The following DDO variants were observed in gnomAD, a reference collection of about 807,000 sequenced individuals.
The protein encoded by DDO is D-aspartate oxidase.
A neutral mutation model predicts 16.8 loss-of-function variants in DDO; 16 were observed. That is an observed-to-expected ratio of 0.95 (90% confidence interval 0.65 to 1.45). DDO has a LOEUF of 1.45. Ranked by LOEUF, DDO falls within the 40% of genes most tolerant of loss-of-function variation. DDO has a pLI of 0.00. For synonymous variants in DDO, 180 were observed against 167.2 expected (o/e 1.08, Z -0.59); for missense variants, 429 against 420.3 (o/e 1.02, Z -0.18).
chr6:110,395,133 G>C (rs1327131083), intron 4 of DDO, among the ~76,000 whole-genome samples: 2 of 152,224 alleles, frequency 1.3e-5, no homozygotes, highest in Non-Finnish European at 2.9e-5. Context: ...TCTGCAGAAA[G>C]TGTTTTTGGA....
At position 110,413,337 on chromosome 6, in the gene DDO, G is replaced by A. The variant is rs763439607; in HGVS notation, c.126C>T (p.Thr42=). Residue 42 remains threonine, a synonymous_variant, in exon 2 of 5, where the codon ACC becomes ACT. Transcript: ENST00000368924. ...GCATTCCGGCTGCCACATCACTGGTGGTATCTGGAGTAAACTTGTCTGAAA... is the reference window on the plus strand; with the variant it reads ...GCATTCCGGCTGCCACATCACTGGTAGTATCTGGAGTAAACTTGTCTGAAA... ...TIISDKFTPD[T]TSDVAAGMLI... The A allele has an allele frequency of 1.9e-6, 3 of 1,614,050 alleles. No individual in the cohort carries two copies. Among genetic ancestry groups the A allele is most frequent in the African/African-American group, 1.3e-5 (1 of 74,904 alleles).
chr6:110,414,639 CTCTT>C (rs1453877873), intron 1 of DDO, among the ~76,000 whole-genome samples: 2 of 152,268 alleles, frequency 1.3e-5, no homozygotes, highest in Non-Finnish European at 2.9e-5. Context: ...CCTGCTCTGA[CTCTT>C]TCTGTATGGC....
At chr6:110,391,719 T>G (rs1374857767), downstream of DDO, 2 of 152,220 alleles carry the variant, frequency 1.3e-5, no homozygotes, top group Non-Finnish European at 2.9e-5. Context: ...TCTAGAGGAT[T>G]CACAATACAC....
chr6:110,408,199 T>A (rs1202280545), intron 3 of DDO, 135 bp downstream of exon 3: 5 of 721,094 alleles, frequency 6.9e-6, no homozygotes, highest in African/African-American at 3.6e-5. Context: ...AAGCCTATAA[T>A]GCTCTTTCCG....
At chr6:110,402,397 G>C (rs1359005472) in intron 4 of DDO, among the ~76,000 whole-genome samples, 1 of 152,200 alleles carries the variant, frequency 6.6e-6, no homozygotes, top group African/African-American at 2.4e-5. Flanking sequence ...AGGCACGGTG[G>C]CTCATGTCTG....
intron 2 of DDO, among the ~76,000 whole-genome samples, chr6:110,411,396 A>G (rs1773852848): frequency 6.6e-6 from 1 of 152,152 alleles, no homozygotes; most frequent in African/African-American, 2.4e-5. Flanking sequence ...AAAACCTCCC[A>G]CAATTTGGAG....
downstream of DDO, chr6:110,388,666 C>G (rs748777756): frequency 5.8e-4 from 190 of 325,478 alleles, no homozygotes; most frequent in Non-Finnish European, 8.0e-4. Context: ...TAACCTTTGC[C>G]TGCTGAAGAA....
intron 3 of DDO, among the ~76,000 whole-genome samples, chr6:110,407,323 G>A (rs761593965): frequency 1.8e-4 from 28 of 152,162 alleles, no homozygotes; most frequent in Non-Finnish European, 3.8e-4. Flanking sequence ...TAGTTATACA[G>A]AAGAATCAAT....
intron 4 of DDO, among the ~76,000 whole-genome samples, chr6:110,394,259 C>T (rs1217451784): frequency 1.3e-5 from 2 of 152,106 alleles, no homozygotes; most frequent in East Asian, 3.9e-4. Flanking sequence ...TGTGTGCCAC[C>T]ATGCCCGGCT....
At chr6:110,396,359 G>A (rs991864242) in intron 4 of DDO, among the ~76,000 whole-genome samples, 8 of 152,206 alleles carry the variant, frequency 5.3e-5, no homozygotes, top group Non-Finnish European at 1.2e-4. Flanking sequence ...TATTTGTTGA[G>A]GGCTTGTACT....
At chr6:110,407,957 C>G (rs1773712209) in intron 3 of DDO, among the ~76,000 whole-genome samples, 1 of 152,198 alleles carries the variant, frequency 6.6e-6, no homozygotes, top group Non-Finnish European at 1.5e-5. Context: ...TCCCTTAGGT[C>G]TCTGCAGCCA....
intron 2 of DDO, among the ~76,000 whole-genome samples, chr6:110,408,976 G>C (rs894043392): frequency 7.9e-5 from 12 of 152,240 alleles, no homozygotes; most frequent in Non-Finnish European, 1.6e-4. Context: ...TTGCCTCCTG[G>C]TACAAGGAAA....
chr6:110,410,673 A>G (rs1445647346), intron 2 of DDO, among the ~76,000 whole-genome samples: 2 of 152,160 alleles, frequency 1.3e-5, no homozygotes, highest in Non-Finnish European at 2.9e-5. Flanking sequence ...GAAATCACTC[A>G]CTATCATGAG....
chr6:110,402,729 G>A (rs1773522381), intron 4 of DDO, among the ~76,000 whole-genome samples: 1 of 152,166 alleles, frequency 6.6e-6, no homozygotes, highest in Non-Finnish European at 1.5e-5. Flanking sequence ...GAAGCAAAAT[G>A]TTAGGAATCT....
chr6:110,406,703 C>A (rs2114832222), intron 3 of DDO, among the ~76,000 whole-genome samples: 1 of 152,304 alleles, frequency 6.6e-6, no homozygotes, highest in South Asian at 2.1e-4. Flanking sequence ...GTTTCCTCCA[C>A]CTGGAATGCT....
At chr6:110,406,883 C>G (rs945341687) in intron 3 of DDO, among the ~76,000 whole-genome samples, 2 of 152,238 alleles carry the variant, frequency 1.3e-5, no homozygotes, top group African/African-American at 4.8e-5. Context: ...AGCACCCTAG[C>G]CTCTTCCTTT....
chr6:110,398,391 C>G (rs1362808788), intron 4 of DDO, among the ~76,000 whole-genome samples: 1 of 101,646 alleles, frequency 9.8e-6, no homozygotes, highest in Admixed American at 9.0e-5. Flanking sequence ...CGTACACACA[C>G]ACACACACAC....
In DDO at chr6:110,413,436, G is replaced by T. The variant is rs374937272; in HGVS notation, c.27C>A (p.Val9=). 2 of 1,613,634 alleles carry T rather than the reference G, an allele frequency of 1.2e-6. No individual in the cohort carries two copies. The highest frequency in any genetic ancestry group is 1.7e-6 in the Non-Finnish European group (2 of 1,180,018). Residue 9 remains valine, a synonymous_variant, in exon 2 of 5, where the codon GTC becomes GTA. Transcript: ENST00000368924. ...TGGAGAGCCCCACCACACCTGCCCCGACAACTGCAATCCGTGCTGTGTCCA... is the reference window on the plus strand; with the variant it reads ...TGGAGAGCCCCACCACACCTGCCCCTACAACTGCAATCCGTGCTGTGTCCA... MDTARIAV[V]GAGVVGLSTA...
intron 2 of DDO, 108 bp downstream of exon 2, chr6:110,413,183 G>T: frequency 7.9e-7 from 1 of 1,264,638 alleles, no homozygotes; most frequent in Non-Finnish European, 1.1e-6. Context: ...AAAAAAACCT[G>T]CATATTACAC....
Sources: gnomAD v4.1 joint callset for allele counts (sites outside exome capture counted in the v4.1 genomes callset) on GRCh38, gnomAD v4.1.1 for gene constraint, MANE v1.5 for transcripts, NCBI Gene and HGNC (gene_info 2026-07-23, HGNC 2026-07-21) for gene names.